Variants in SYN3 observed in about 807,000 individuals in gnomAD.
The protein encoded by SYN3 is synapsin III, also known as synapsin-3.
Under a neutral mutation model 65.8 loss-of-function variants are expected in SYN3, and 35 were observed. That is an observed-to-expected ratio of 0.53 (90% confidence interval 0.41 to 0.70). SYN3 has a LOEUF of 0.70. SYN3 is among the 30% of genes least tolerant of loss of function. SYN3 has a pLI of 0.00. For synonymous variants in SYN3, 270 were observed against 292.9 expected, an observed-to-expected ratio of 0.92 and a Z score of 0.80; for missense variants, 680 against 749.0, an observed-to-expected ratio of 0.91 and a Z score of 1.08.
intron 3 of SYN3, among the ~76,000 whole-genome samples, chr22:32,972,410 T>G (rs903349215): frequency 3.3e-5 from 5 of 152,100 alleles, no homozygotes; most frequent in Non-Finnish European, 5.9e-5. Flanking sequence ...GAGAAAGGCA[T>G]GTGTAGATGC....
chr22:32,867,428 G>C (rs999575706), intron 5 of SYN3, among the ~76,000 whole-genome samples: 7 of 152,174 alleles, frequency 4.6e-5, no homozygotes, highest in Non-Finnish European at 8.8e-5. Context: ...CACAGTAAGT[G>C]CCCAAGAAGT....
intron 3 of SYN3, among the ~76,000 whole-genome samples, chr22:32,964,828 AT>A (rs2051776958): frequency 6.6e-6 from 1 of 152,026 alleles, no homozygotes; most frequent in Non-Finnish European, 1.5e-5. Flanking sequence ...ACTTAGCTCC[AT>A]TTCCTGTCTG....
chr22:32,617,313 T>C (rs62232752), intron 6 of SYN3, among the ~76,000 whole-genome samples: 39,443 of 151,904 alleles, frequency 0.26, 5,444 homozygotes, highest in African/African-American at 0.34. Context: ...GGATTGGCTT[T>C]AAAATAATCC....
intron 6 of SYN3, among the ~76,000 whole-genome samples, chr22:32,617,768 G>T (rs2059540612): frequency 6.6e-6 from 1 of 152,000 alleles, no homozygotes; most frequent in African/African-American, 2.4e-5. Flanking sequence ...GAAGATGGAA[G>T]GGGTGTGTGT....
At chr22:32,708,968 G>C (rs928061473) in intron 6 of SYN3, among the ~76,000 whole-genome samples, 2 of 152,212 alleles carry the variant, frequency 1.3e-5, no homozygotes, top group Admixed American at 1.3e-4. Context: ...GCATGGAAGA[G>C]AGAATCACTC....
At chr22:32,814,888 A>T (rs1046085980) in intron 6 of SYN3, among the ~76,000 whole-genome samples, 2 of 152,182 alleles carry the variant, frequency 1.3e-5, no homozygotes, top group African/African-American at 4.8e-5. Flanking sequence ...AGTCATGTTT[A>T]AAAAAACGAG....
At chr22:32,731,114 C>T (rs1275756221) in intron 6 of SYN3, among the ~76,000 whole-genome samples, 1 of 152,192 alleles carries the variant, frequency 6.6e-6, no homozygotes, top group East Asian at 1.9e-4. Flanking sequence ...CTCATCCACC[C>T]AGGCATCCCT....
chr22:33,034,178 T>A (rs1156397479), intron 1 of SYN3, among the ~76,000 whole-genome samples: 1 of 143,790 alleles, frequency 7.0e-6, no homozygotes, highest in Non-Finnish European at 1.5e-5. Context: ...AGAGCAAGAC[T>A]CTGTGTTAAA....
chr22:32,516,346 GATTT>G (rs58972175), intron 13 of SYN3, among the ~76,000 whole-genome samples: 6,518 of 149,910 alleles, frequency 0.043, 162 homozygotes, highest in South Asian at 0.077. Context: ...ATACATCTTT[GATTT>G]ATTTATTTAT....
At chr22:32,782,729 G>A (rs2046100901) in intron 6 of SYN3, among the ~76,000 whole-genome samples, 1 of 151,768 alleles carries the variant, frequency 6.6e-6, no homozygotes, top group Non-Finnish European at 1.5e-5. Flanking sequence ...ATGTTAGCCA[G>A]GATGGCCTCC....
At chr22:32,575,141 C>T (rs961723894) in intron 7 of SYN3, among the ~76,000 whole-genome samples, 1 of 152,288 alleles carries the variant, frequency 6.6e-6, no homozygotes, top group Middle Eastern at 3.4e-3. Flanking sequence ...GATCTCTTTT[C>T]TTTTTTCATT....
At chr22:32,922,117 G>T (rs2050349936) in intron 4 of SYN3, among the ~76,000 whole-genome samples, 1 of 152,208 alleles carries the variant, frequency 6.6e-6, no homozygotes, top group Non-Finnish European at 1.5e-5. Context: ...CCACCTAAAA[G>T]TCAGATGCAT....
chr22:32,775,594 T>C (rs1311537128), intron 6 of SYN3, among the ~76,000 whole-genome samples: 1 of 152,158 alleles, frequency 6.6e-6, no homozygotes, highest in Admixed American at 6.5e-5. Context: ...GCCCCAGTCA[T>C]ACAAACTTGG....
At chr22:33,005,538 A>C (rs2053174728) in intron 2 of SYN3, among the ~76,000 whole-genome samples, 1 of 152,252 alleles carries the variant, frequency 6.6e-6, no homozygotes, top group Non-Finnish European at 1.5e-5. Context: ...ATCAGTGCTC[A>C]GTAAACTACC....
chr22:32,513,444 G>A lies in SYN3; in HGVS notation c.*248C>T, dbSNP rs923975907. The A allele has an allele frequency of 4.9e-5, 20 of 410,144 alleles. No homozygotes were observed. In the East Asian group the frequency reaches 5.1e-4, roughly 10 times the overall value. The allele number at this position is 410,144 out of a possible 1,614,324, so 25.4% of individuals were successfully genotyped here. ...GTAGGCAGAGGGTGTGATGCCCATCGCTCAGGCCTGTTTTGAGGAACCTGG... is the reference window on the plus strand; with the variant it reads ...GTAGGCAGAGGGTGTGATGCCCATCACTCAGGCCTGTTTTGAGGAACCTGG... On this transcript the variant is annotated 3_prime_UTR_variant, in exon 14 of 14. Transcript: ENST00000358763.
intron 3 of SYN3, among the ~76,000 whole-genome samples, chr22:32,977,527 C>T (rs572031570): frequency 8.6e-5 from 13 of 151,896 alleles, no homozygotes; most frequent in Admixed American, 7.2e-4. Flanking sequence ...GGGTGGATCA[C>T]GAGGTCAAGA....
intron 6 of SYN3, among the ~76,000 whole-genome samples, chr22:32,818,042 A>C (rs1009395527): frequency 1.3e-5 from 2 of 152,236 alleles, no homozygotes; most frequent in African/African-American, 4.8e-5. Flanking sequence ...GCTATCTTGG[A>C]TCATTAGAAC....
intron 3 of SYN3, among the ~76,000 whole-genome samples, chr22:32,950,002 A>G (rs1398434414): frequency 6.6e-6 from 1 of 152,178 alleles, no homozygotes; most frequent in Non-Finnish European, 1.5e-5. Flanking sequence ...GCTGGCAGAT[A>G]GATTTGTCTG....
intron 7 of SYN3, among the ~76,000 whole-genome samples, chr22:32,564,876 C>T (rs35953131): frequency 4.2e-3 from 370 of 88,114 alleles, no homozygotes; most frequent in Middle Eastern, 0.033. Context: ...ACCCTAACAG[C>T]GCTCCCGGAC....
Sources: allele counts gnomAD v4.1 joint callset (sites outside exome capture counted in the v4.1 genomes callset), GRCh38; gene constraint gnomAD v4.1.1; transcripts MANE v1.5; gene names NCBI Gene and HGNC (gene_info 2026-07-23, HGNC 2026-07-21).